STIM1: variants seen among roughly 807,000 people sequenced by gnomAD.
STIM1 encodes stromal interaction molecule 1.
STIM1 carries 25 observed loss-of-function variants against 74.7 expected under a neutral mutation model. That is an observed-to-expected ratio of 0.33 (90% CI 0.24 to 0.47). STIM1 has a LOEUF of 0.47. STIM1 is among the 20% of genes least tolerant of loss of function. The probability of loss-of-function intolerance (pLI) is 1.00; values close to 1 mark genes in which losing one functional copy is unlikely to be tolerated. For missense variants in STIM1, 728 were observed against 920.8 expected, an observed-to-expected ratio of 0.79 and a Z score of 2.71; for synonymous variants, 328 against 348.8, an observed-to-expected ratio of 0.94 and a Z score of 0.66.
At chr11:4,036,011 G>T (rs575640856) in intron 3 of STIM1, among the ~76,000 whole-genome samples, 1 of 151,952 alleles carries the variant, frequency 6.6e-6, no homozygotes, top group Non-Finnish European at 1.5e-5. Flanking sequence ...TGATGCTTTC[G>T]CTCCTCCCAC....
intron 2 of STIM1, among the ~76,000 whole-genome samples, chr11:3,998,417 C>T (rs2135890441): frequency 6.6e-6 from 1 of 152,204 alleles, no homozygotes; most frequent in South Asian, 2.1e-4. Flanking sequence ...TTCTTCTATT[C>T]AATAGACAAT....
intron 1 of STIM1, among the ~76,000 whole-genome samples, chr11:3,890,779 A>G (rs1006004595): frequency 6.6e-6 from 1 of 152,200 alleles, no homozygotes; most frequent in Non-Finnish European, 1.5e-5. Flanking sequence ...AGCTAGGTCA[A>G]CTAGAGGTAG....
intron 2 of STIM1, chr11:3,973,262 C>G: frequency 2.1e-6 from 1 of 481,808 alleles, no homozygotes; most frequent in Non-Finnish European, 4.1e-6. Context: ...AGTTGTCATT[C>G]CCACCAAAAC....
At chr11:3,888,676 C>T (rs186207165) in intron 1 of STIM1, among the ~76,000 whole-genome samples, 37 of 152,124 alleles carry the variant, frequency 2.4e-4, no homozygotes, top group African/African-American at 8.7e-4. Context: ...TACAGGTGCA[C>T]ACCACCTGGG....
At chr11:3,958,542 G>A (rs1352716051) in intron 1 of STIM1, among the ~76,000 whole-genome samples, 1 of 152,208 alleles carries the variant, frequency 6.6e-6, no homozygotes, top group Non-Finnish European at 1.5e-5. Flanking sequence ...GATAGGCTGA[G>A]TTTTGCCTAG....
chr11:3,996,706 G>A (rs926656338), intron 2 of STIM1, among the ~76,000 whole-genome samples: 1 of 152,118 alleles, frequency 6.6e-6, no homozygotes. Flanking sequence ...TTTCTTCATT[G>A]GCTGTGTGCC....
Position 4,030,646 on chromosome 11 carries a change from T to C in STIM1, c.385+6659T>C, listed in dbSNP as rs191072631. ...CATACAGTTGGCTTTTTCTTTCCCT[T>C]ACATTCTTTCAGATAATTTTTGTAT... On this transcript the variant is annotated intron_variant, in intron 3 of 12. Coordinates refer to ENST00000526596, the MANE Select transcript of STIM1 (RefSeq NM_001382567.1). 2.6e-5 allele frequency among the ~76,000 whole-genome samples: 4 copies of C among 152,374 alleles called. No individual in the cohort carries two copies. The East Asian group carries it at 7.7e-4, about 29-fold the overall frequency.
chr11:3,968,070 A>G (rs932091153), intron 2 of STIM1, among the ~76,000 whole-genome samples: 4 of 152,224 alleles, frequency 2.6e-5, no homozygotes, highest in African/African-American at 9.6e-5. Flanking sequence ...GAGGGATAGA[A>G]GATAAGACAC....
At chr11:3,994,777 T>C (rs1454632576) in intron 2 of STIM1, among the ~76,000 whole-genome samples, 1 of 152,130 alleles carries the variant, frequency 6.6e-6, no homozygotes, top group Non-Finnish European at 1.5e-5. Flanking sequence ...TATTCATATA[T>C]TGGTGTGATT....
At chr11:3,887,824 C>T (rs781599047) in intron 1 of STIM1, among the ~76,000 whole-genome samples, 7 of 151,828 alleles carry the variant, frequency 4.6e-5, no homozygotes, top group Non-Finnish European at 8.8e-5. Context: ...AAAAATTAGC[C>T]GGACGTGGTG....
In STIM1 at chr11:4,087,509, G is replaced by A. The variant is rs145249929; in HGVS notation, c.1634+966G>A. ...TATTTGTGGTTAGAACACTGGATAT[G>A]TGTTGGTGGGAAGGAGAAACAGGTG... On this transcript the variant is annotated intron_variant, in intron 12 of 12. Transcript: ENST00000526596. Among the ~76,000 whole-genome samples, 293 of 152,274 alleles carry A rather than the reference G, an allele frequency of 1.9e-3. 2 individuals are homozygous for A. The highest frequency in any genetic ancestry group is 6.7e-3 in the African/African-American group (278 of 41,534).
chr11:4,058,071 A>T (rs1432030378), intron 4 of STIM1, among the ~76,000 whole-genome samples: 1 of 152,172 alleles, frequency 6.6e-6, no homozygotes, highest in African/African-American at 2.4e-5. Flanking sequence ...TCTTTGAGAA[A>T]TAGACTGTAG....
chr11:3,924,960 A>G (rs2092769843), intron 1 of STIM1, among the ~76,000 whole-genome samples: 1 of 152,214 alleles, frequency 6.6e-6, no homozygotes, highest in African/African-American at 2.4e-5. Context: ...CTTAACTGGC[A>G]CATGAAAGAA....
At chr11:3,981,082 C>T (rs12576774) in intron 2 of STIM1, among the ~76,000 whole-genome samples, 1 of 152,010 alleles carries the variant, frequency 6.6e-6, no homozygotes, top group Non-Finnish European at 1.5e-5. Flanking sequence ...ACTGCAACCT[C>T]TGCCTCCCAG....
At chr11:3,902,596 C>G (rs555415237) in intron 1 of STIM1, among the ~76,000 whole-genome samples, 1 of 152,194 alleles carries the variant, frequency 6.6e-6, no homozygotes, top group African/African-American at 2.4e-5. Flanking sequence ...TGACAGGAGG[C>G]GGAGCTCAGG....
chr11:4,032,194 G>C (rs1014962959), intron 3 of STIM1, among the ~76,000 whole-genome samples: 13 of 152,158 alleles, frequency 8.5e-5, no homozygotes, highest in African/African-American at 3.1e-4. Context: ...TTTAAGCTGA[G>C]TGCAGTAGCA....
chr11:3,915,033 CAT>C (rs1232936946), intron 1 of STIM1, among the ~76,000 whole-genome samples: 2 of 152,028 alleles, frequency 1.3e-5, no homozygotes, highest in Admixed American at 6.6e-5. Context: ...ATCATCTTCT[CAT>C]GTGCTTATTG....
At chr11:3,976,070 G>A (rs892043668) in intron 2 of STIM1, among the ~76,000 whole-genome samples, 5 of 152,124 alleles carry the variant, frequency 3.3e-5, no homozygotes, top group African/African-American at 9.7e-5. Context: ...CCAAAAACTG[G>A]ACATAACCCA....
intron 12 of STIM1, 54 bp downstream of exon 12, chr11:4,086,597 G>A (rs369690734): frequency 2.8e-5 from 45 of 1,609,428 alleles, no homozygotes; most frequent in East Asian, 1.1e-4. Context: ...TCTCTGCGGC[G>A]AATGCGCAGC....
Sources: allele counts gnomAD v4.1 joint callset (sites outside exome capture counted in the v4.1 genomes callset), GRCh38; gene constraint gnomAD v4.1.1; transcripts MANE v1.5; gene names NCBI Gene and HGNC (gene_info 2026-07-23, HGNC 2026-07-21).